The following FBXW7 variants were observed in gnomAD, a reference collection of about 807,000 sequenced individuals.
FBXW7 encodes the protein F-box and WD repeat domain containing 7.
In FBXW7, 11 loss-of-function variants were observed where a neutral mutation model predicts 86.3. The observed-to-expected ratio is 0.13, with a 90% CI of 0.08 to 0.21. The LOEUF is 0.21. Among genes scored for constraint, FBXW7 ranks in the 10% least tolerant of loss-of-function variants. The probability of loss-of-function intolerance (pLI) is 1.00; values close to 1 mark genes in which losing one functional copy is unlikely to be tolerated. For missense variants in FBXW7, 488 were observed against 847.4 expected (o/e 0.58, Z 5.27); for synonymous variants, 313 against 297.9 (o/e 1.05, Z -0.52).
At chr4:152,331,208 G>C (rs1164936308) in intron 8 of FBXW7, among the ~76,000 whole-genome samples, 1 of 152,008 alleles carries the variant, frequency 6.6e-6, no homozygotes, top group Non-Finnish European at 1.5e-5. Flanking sequence ...ATTAACATAT[G>C]ATCTAGCAAT....
At chr4:152,443,938 T>C (rs1741133871) in intron 2 of FBXW7, among the ~76,000 whole-genome samples, 1 of 152,190 alleles carries the variant, frequency 6.6e-6, no homozygotes, top group Non-Finnish European at 1.5e-5. Flanking sequence ...AGATGAAATA[T>C]TTCAAATTAT....
rs1043802917 is a variant in FBXW7, at chr4:152,320,669, T to C, written c.*2212A>G. 9 of 152,098 alleles carry C rather than the reference T, an allele frequency of 5.9e-5. No individual in the cohort carries two copies. The highest frequency in any genetic ancestry group is 2.2e-4 in the African/African-American group (9 of 41,428). The allele number at this position is 152,098 out of a possible 1,614,324, so 9.4% of individuals were successfully genotyped here. ...GTACCAGAAAAATGGCTTATTTCCC[T>C]CTCAAACCTTGCTTTAGTCTGTCAA... On this transcript the variant is annotated 3_prime_UTR_variant, in exon 14 of 14. Coordinates refer to ENST00000281708, the MANE Select transcript of FBXW7 (RefSeq NM_001349798.2).
chr4:152,501,139 T>C (rs992688166), intron 2 of FBXW7, among the ~76,000 whole-genome samples: 1 of 152,212 alleles, frequency 6.6e-6, no homozygotes, highest in African/African-American at 2.4e-5. Context: ...GATATATTAA[T>C]GTGCATGGTA....
intron 4 of FBXW7, among the ~76,000 whole-genome samples, chr4:152,365,097 C>T (rs1733348259): frequency 1.3e-5 from 2 of 152,032 alleles, no homozygotes; most frequent in Admixed American, 1.3e-4. Context: ...GAGGTTTCCA[C>T]CTAGTCTGTG....
chr4:152,498,528 G>C (rs368174137), intron 2 of FBXW7, among the ~76,000 whole-genome samples: 1 of 152,164 alleles, frequency 6.6e-6, no homozygotes, highest in East Asian at 1.9e-4. Flanking sequence ...GCTGAACCTT[G>C]AATCTAATAG....
intron 2 of FBXW7, among the ~76,000 whole-genome samples, chr4:152,415,492 A>G (rs1010226297): frequency 6.6e-6 from 1 of 152,146 alleles, no homozygotes; most frequent in African/African-American, 2.4e-5. Flanking sequence ...CTGAATTCTT[A>G]AAAGAGCCAA....
chr4:152,470,048 C>T (rs1743810225), intron 2 of FBXW7, among the ~76,000 whole-genome samples: 3 of 152,034 alleles, frequency 2.0e-5, no homozygotes, highest in East Asian at 3.9e-4. Flanking sequence ...AGAGTTACAC[C>T]TACTCTGTAA....
At chr4:152,346,874 C>T (rs2126633299) in intron 6 of FBXW7, 56 bp downstream of exon 6, 1 of 1,599,464 alleles carries the variant, frequency 6.3e-7, no homozygotes, top group Non-Finnish European at 8.5e-7. Context: ...ATGAATAATC[C>T]CTTATTTTGC....
chr4:152,480,086 G>A (rs1010301277), intron 2 of FBXW7, among the ~76,000 whole-genome samples: 19 of 151,876 alleles, frequency 1.3e-4, no homozygotes, highest in South Asian at 8.4e-4. Flanking sequence ...CATTTTATTG[G>A]ACTTCAAACA....
intron 4 of FBXW7, among the ~76,000 whole-genome samples, chr4:152,373,941 G>C (rs560084238): frequency 6.6e-6 from 1 of 152,074 alleles, no homozygotes; most frequent in African/African-American, 2.4e-5. Flanking sequence ...CATTCTTAAA[G>C]AGAAAAAGAC....
Position 152,535,622 on chromosome 4 carries a change from G to A in FBXW7, c.-708C>T. 1 of 397,006 alleles carries A rather than the reference G, an allele frequency of 2.5e-6. No individual in the cohort carries two copies. The allele number at this position is 397,006 out of a possible 1,614,324, so 24.6% of individuals were successfully genotyped here. On this transcript the variant is annotated 5_prime_UTR_variant, in exon 1 of 14. Transcript: ENST00000281708. ...GACCCGGCCGGCTCCGCTCGGCGCC[G>A]CCCCCGCTCCCGGCTCCCGCATGTG...
At chr4:152,471,020 TATC>T (rs1316679461) in intron 2 of FBXW7, among the ~76,000 whole-genome samples, 3 of 151,982 alleles carry the variant, frequency 2.0e-5, no homozygotes, top group African/African-American at 7.2e-5. Context: ...AAAAATCACA[TATC>T]ATAACTAGCA....
intron 4 of FBXW7, among the ~76,000 whole-genome samples, chr4:152,410,637 G>A (rs1024702184): frequency 2.6e-5 from 4 of 152,100 alleles, no homozygotes; most frequent in Admixed American, 1.3e-4. Flanking sequence ...TAAACGATAC[G>A]ATGTTAAATC....
intron 6 of FBXW7, among the ~76,000 whole-genome samples, chr4:152,340,575 C>CAAAAAAA (rs556530800): frequency 1.9e-4 from 6 of 31,902 alleles, no homozygotes; most frequent in South Asian, 1.0e-3. Context: ...AACTCCATCT[C>CAAAAAAA]AAAAAAAAAA....
intron 2 of FBXW7, among the ~76,000 whole-genome samples, chr4:152,531,078 A>C (rs978234909): frequency 4.0e-5 from 6 of 151,754 alleles, no homozygotes; most frequent in African/African-American, 7.3e-5. Context: ...CACACACACA[A>C]ACATATACCC....
intron 2 of FBXW7, among the ~76,000 whole-genome samples, chr4:152,511,299 C>T (rs557012180): frequency 3.3e-5 from 5 of 151,168 alleles, no homozygotes; most frequent in African/African-American, 9.7e-5. Context: ...CCCGCCCCCC[C>T]CACCGAATCC....
chr4:152,419,494 A>AAAACACAC (rs370794631), intron 2 of FBXW7, among the ~76,000 whole-genome samples: 28,692 of 123,174 alleles, frequency 0.23, 4,203 homozygotes, highest in Non-Finnish European at 0.32. Flanking sequence ...GGATAAGGTA[A>AAAACACAC]ACACACACAC....
At chr4:152,535,074 A>G (rs1354906945) in intron 1 of FBXW7, 41 bp from the exon 2 acceptor site, 1 of 152,680 alleles carries the variant, frequency 6.5e-6, no homozygotes. Flanking sequence ...ACCAGGCGGC[A>G]ACCCGGGTCT....
chr4:152,472,951 G>C (rs1744090086), intron 2 of FBXW7, among the ~76,000 whole-genome samples: 1 of 152,052 alleles, frequency 6.6e-6, no homozygotes, highest in African/African-American at 2.4e-5. Flanking sequence ...ATATGTTTAA[G>C]AGTAGTTTCA....
Sources: allele counts gnomAD v4.1 joint callset (sites outside exome capture counted in the v4.1 genomes callset), GRCh38; gene constraint gnomAD v4.1.1; transcripts MANE v1.5; gene names NCBI Gene and HGNC (gene_info 2026-07-23, HGNC 2026-07-21).